SLC48A1: variants seen among roughly 807,000 people sequenced by gnomAD.
The protein encoded by SLC48A1 is solute carrier family 48 member 1.
Under a neutral mutation model 14.8 loss-of-function variants are expected in SLC48A1, and 6 were observed. That is an observed-to-expected ratio of 0.41 (90% CI 0.22 to 0.80). The LOEUF is 0.80. SLC48A1 is among the 30% of genes least tolerant of loss of function. SLC48A1 has a pLI of 0.34. For synonymous variants in SLC48A1, 89 were observed against 90.0 expected, an observed-to-expected ratio of 0.99 and a Z score of 0.06; for missense variants, 165 against 204.8, an observed-to-expected ratio of 0.81 and a Z score of 1.19.
intron 1 of SLC48A1, among the ~76,000 whole-genome samples, chr12:47,775,546 C>T (rs956587666): frequency 2.6e-5 from 4 of 152,234 alleles, no homozygotes; most frequent in African/African-American, 9.6e-5. Context: ...CGACCTTCCC[C>T]ACCATGAGTG....
intron 1 of SLC48A1, among the ~76,000 whole-genome samples, chr12:47,759,777 G>A (rs1942316743): frequency 6.6e-6 from 1 of 152,200 alleles, no homozygotes; most frequent in Admixed American, 6.5e-5. Context: ...CGATAATGAG[G>A]GTTTGGAAGG....
At chr12:47,758,176 T>C (rs1020727026), upstream of SLC48A1, 1 of 1,466,094 alleles carries the variant, frequency 6.8e-7, no homozygotes, top group Non-Finnish European at 9.0e-7. Flanking sequence ...CTTAGAGTCC[T>C]CTGGACTGGT....
At chr12:47,776,575 C>A (rs1342055279) in intron 1 of SLC48A1, among the ~76,000 whole-genome samples, 3 of 152,200 alleles carry the variant, frequency 2.0e-5, no homozygotes, top group African/African-American at 7.2e-5. Flanking sequence ...GGGCAGCAGG[C>A]CTGCCTCCAC....
intron 1 of SLC48A1, among the ~76,000 whole-genome samples, chr12:47,774,687 G>A (rs1383162558): frequency 6.6e-6 from 1 of 152,102 alleles, no homozygotes; most frequent in Non-Finnish European, 1.5e-5. Context: ...GGCATACAGG[G>A]CCCCACCCTA....
rs114734104 is a variant in SLC48A1 at position 47,765,514 on chromosome 12, A to G, written c.-187+5113A>G. Among the ~76,000 whole-genome samples the G allele has an allele frequency of 4.0e-3, 612 of 152,328 alleles. 7 individuals are homozygous for G. The highest frequency in any genetic ancestry group is 0.014 in the African/African-American group (585 of 41,570). ...ACCGAATCCTGACTTAATCTCCCCA[A>G]CTGCTTCAGTTCTCCCCAAGCCCAG... On this transcript the variant is annotated intron_variant, in intron 2 of 4. Coordinates refer to the SLC48A1 transcript ENST00000547002.
upstream of SLC48A1, among the ~76,000 whole-genome samples, chr12:47,770,479 T>C (rs575924086): frequency 6.6e-6 from 1 of 152,362 alleles, no homozygotes; most frequent in South Asian, 2.1e-4. Flanking sequence ...AGCCTTCTGC[T>C]GCTACTAATT....
chr12:47,775,820 C>G (rs1337697366), intron 1 of SLC48A1, among the ~76,000 whole-genome samples: 2 of 152,110 alleles, frequency 1.3e-5, no homozygotes, highest in African/African-American at 4.8e-5. Flanking sequence ...GATACCCTCT[C>G]CCATCCTGAT....
chr12:47,761,285 G>A (rs540971353), intron 2 of SLC48A1, among the ~76,000 whole-genome samples: 10 of 151,536 alleles, frequency 6.6e-5, no homozygotes, highest in South Asian at 6.3e-4. Context: ...CACTCAAATC[G>A]GTGAAAATGA....
upstream of SLC48A1, among the ~76,000 whole-genome samples, chr12:47,767,020 C>T (rs1201369375): frequency 6.6e-6 from 1 of 152,170 alleles, no homozygotes; most frequent in Non-Finnish European, 1.5e-5. Context: ...CTGTCTAGGA[C>T]AGCCCTTTCT....
chr12:47,769,781 G>A (rs796097177), upstream of SLC48A1: 1 of 152,006 alleles, frequency 6.6e-6, no homozygotes. Context: ...GGAGTCCTGG[G>A]TCTAGCTGTG....
upstream of SLC48A1, chr12:47,758,453 C>G: frequency 6.3e-7 from 1 of 1,584,990 alleles, no homozygotes; most frequent in Non-Finnish European, 8.6e-7. Flanking sequence ...CTCCTCAGCC[C>G]TGACTAACCC....
At chr12:47,769,298 C>T (rs1565778518), upstream of SLC48A1, 1 of 152,238 alleles carries the variant, frequency 6.6e-6, no homozygotes, top group Non-Finnish European at 1.5e-5. Context: ...GGGAGAATGG[C>T]TGTGCATCTT....
rs114324042 is a variant in SLC48A1 at position 47,774,862 on chromosome 12, C to T, written c.136+1422C>T. 7.4e-3 allele frequency among the ~76,000 whole-genome samples: 1,134 copies of T among 152,306 alleles called. 15 individuals carry two copies. Among genetic ancestry groups the T allele is most frequent in the African/African-American group, 0.026 (1,068 of 41,566 alleles). On this transcript the variant is annotated intron_variant, in intron 1 of 2. Coordinates refer to ENST00000442218, the MANE Select transcript of SLC48A1 (RefSeq NM_017842.3). ...CCTAGTTCCTTTCCCCACTGCACCCCGCCACCCTCCATGTTTGTCAAGGTT... is the reference window on the plus strand; with the variant it reads ...CCTAGTTCCTTTCCCCACTGCACCCTGCCACCCTCCATGTTTGTCAAGGTT...
chr12:47,758,790 C>T, intron 1 of SLC48A1: 2 of 1,230,268 alleles, frequency 1.6e-6, no homozygotes, highest in Non-Finnish European at 2.0e-6. Context: ...GGGGACGCCA[C>T]CCAGCCACCG....
At chr12:47,770,816 C>T (rs1207764106), upstream of SLC48A1, 4 of 456,592 alleles carry the variant, frequency 8.8e-6, no homozygotes, top group Admixed American at 9.4e-5. Context: ...AAACCCGCTA[C>T]TCTACCTTCA....
upstream of SLC48A1, among the ~76,000 whole-genome samples, chr12:47,769,918 A>G (rs1667530082): frequency 6.6e-6 from 1 of 152,278 alleles, no homozygotes; most frequent in South Asian, 2.1e-4. Context: ...AATACAATTA[A>G]AAATTCAGTT....
At chr12:47,760,952 C>T (rs908571064) in intron 2 of SLC48A1, among the ~76,000 whole-genome samples, 2 of 152,164 alleles carry the variant, frequency 1.3e-5, no homozygotes, top group African/African-American at 4.8e-5. Context: ...ATCCCAACAC[C>T]TTGGGAGGCT....
chr12:47,779,244 G>A (rs1408203354), intron 2 of SLC48A1, 49 bp downstream of exon 2: 31 of 1,515,620 alleles, frequency 2.0e-5, no homozygotes, highest in Middle Eastern at 3.9e-4. Flanking sequence ...CAGCAGCGGG[G>A]ATTTTAGCAG....
At chr12:47,776,421 C>T (rs866609183) in intron 1 of SLC48A1, among the ~76,000 whole-genome samples, 8 of 152,262 alleles carry the variant, frequency 5.3e-5, no homozygotes, top group Middle Eastern at 3.4e-3. Flanking sequence ...CCAAGTGTGC[C>T]AGGGAAGGGT....
Sources: allele counts gnomAD v4.1 joint callset (sites outside exome capture counted in the v4.1 genomes callset), GRCh38; gene constraint gnomAD v4.1.1; transcripts MANE v1.5; gene names NCBI Gene and HGNC (gene_info 2026-07-23, HGNC 2026-07-21).